SETBP1: variants seen among roughly 807,000 people sequenced by gnomAD.
The protein encoded by SETBP1 is SET-binding protein.
In SETBP1, 9 loss-of-function variants were observed where a neutral mutation model predicts 101.0. That is an observed-to-expected ratio of 0.09 (90% CI 0.05 to 0.16). The LOEUF (loss-of-function observed/expected upper bound fraction) is 0.16, where lower values mean the gene tolerates loss of function less well. Among genes scored for constraint, SETBP1 ranks in the 10% least tolerant of loss-of-function variants. SETBP1 has a pLI of 1.00. For synonymous variants in SETBP1, 818 were observed against 788.5 expected (o/e 1.04, Z -0.63); for missense variants, 1,858 against 2,033.8 (o/e 0.91, Z 1.66).
chr18:44,926,495 C>T (rs2070707877), intron 3 of SETBP1, among the ~76,000 whole-genome samples: 1 of 152,120 alleles, frequency 6.6e-6, no homozygotes, highest in Admixed American at 6.5e-5. Context: ...ACACAGTGGT[C>T]CCTCAGGGGC....
At position 44,843,373 on chromosome 18, in the gene SETBP1, T is replaced by C. The variant is rs558964550; in HGVS notation, c.487-25857T>C. On this transcript the variant is annotated intron_variant, in intron 2 of 5. Transcript: ENST00000649279. The stretch of plus-strand genomic sequence containing the variant: ...TCATGCACACCACACCCCTACTAGA[T>C]TTTTGGCTTCTGTCAACCATCAGCT... 1.2e-4 allele frequency among the ~76,000 whole-genome samples: 18 copies of C among 152,292 alleles called. 1 individual carries two copies. In the South Asian group the frequency reaches 3.7e-3, roughly 32 times the overall value.
At chr18:44,794,692 G>A (rs1453675717) in intron 2 of SETBP1, among the ~76,000 whole-genome samples, 1 of 152,142 alleles carries the variant, frequency 6.6e-6, no homozygotes, top group Admixed American at 6.5e-5. Context: ...TCACCTCATT[G>A]TCTAAAGTCA....
At chr18:44,700,363 A>G (rs1227249566) in intron 1 of SETBP1, among the ~76,000 whole-genome samples, 1 of 152,098 alleles carries the variant, frequency 6.6e-6, no homozygotes, top group Non-Finnish European at 1.5e-5. Context: ...TTTTGCTGCT[A>G]TGGAGACACA....
intron 3 of SETBP1, among the ~76,000 whole-genome samples, chr18:44,938,199 G>A (rs192926635): frequency 6.6e-6 from 1 of 152,278 alleles, no homozygotes; most frequent in East Asian, 1.9e-4. Context: ...CAACCCTGTT[G>A]GCTTCCCTCC....
intron 3 of SETBP1, among the ~76,000 whole-genome samples, chr18:44,928,460 A>G (rs923613954): frequency 3.9e-5 from 6 of 152,304 alleles, no homozygotes; most frequent in African/African-American, 1.2e-4. Flanking sequence ...TGGGATGGCA[A>G]GGTCAAATGG....
chr18:45,014,245 G>A (rs975116766), intron 4 of SETBP1, among the ~76,000 whole-genome samples: 3 of 152,158 alleles, frequency 2.0e-5, no homozygotes, highest in Non-Finnish European at 4.4e-5. Flanking sequence ...GCAAGGAGGT[G>A]GAGATCAGAG....
Position 44,937,812 on chromosome 18 carries a change from A to T in SETBP1, c.541-12069A>T, listed in dbSNP as rs547989660. On this transcript the variant is annotated intron_variant, in intron 3 of 5. Coordinates refer to ENST00000649279, the MANE Select transcript of SETBP1 (RefSeq NM_015559.3). ...ACTCTTGTGCGCTCTGAATATGAGC[A>T]GTGCTGGGTTCCAATTCTCACTCCA... 3.0e-4 allele frequency among the ~76,000 whole-genome samples: 46 copies of T among 152,310 alleles called. No homozygotes were observed. In the South Asian group the frequency reaches 9.3e-3, roughly 31 times the overall value.
intron 3 of SETBP1, among the ~76,000 whole-genome samples, chr18:44,897,253 G>C (rs2069927719): frequency 6.6e-6 from 1 of 152,192 alleles, no homozygotes; most frequent in Non-Finnish European, 1.5e-5. Context: ...CACTTGGGCT[G>C]CTTCCCTATC....
Position 44,950,831 on chromosome 18 carries a change from G to T in SETBP1, c.1491G>T (p.Pro497=), listed in dbSNP as rs113053616. 4 of 1,613,992 alleles carry T rather than the reference G, an allele frequency of 2.5e-6. No homozygotes were observed. Among genetic ancestry groups the T allele is most frequent in the Non-Finnish European group, 3.4e-6 (4 of 1,180,018 alleles). ...TTATCCCAGGAGGTGTGTCTAAGCCGCGGAAGCCACCCATGGTCATGACAC... is the reference window on the plus strand; with the variant it reads ...TTATCCCAGGAGGTGTGTCTAAGCCTCGGAAGCCACCCATGGTCATGACAC... ...EKVIPGGVSK[P]RKPPMVMTPP... Residue 497 remains proline (P), a synonymous_variant, in exon 4 of 6, where the codon CCG becomes CCT. Coordinates refer to ENST00000649279, the MANE Select transcript of SETBP1 (RefSeq NM_015559.3).
intron 3 of SETBP1, among the ~76,000 whole-genome samples, chr18:44,925,834 C>A (rs12608276): frequency 0.11 from 16,539 of 152,094 alleles, 892 homozygotes; most frequent in East Asian, 0.14. Context: ...CTGGAGAAGC[C>A]GGGTGATCAA....
chr18:44,844,426 C>T (rs2144546469), intron 2 of SETBP1, among the ~76,000 whole-genome samples: 1 of 151,388 alleles, frequency 6.6e-6, no homozygotes, highest in African/African-American at 2.4e-5. Context: ...ATACTTCCTG[C>T]TTCTTACTGT....
chr18:44,956,156 A>G (rs1415750737), intron 4 of SETBP1, among the ~76,000 whole-genome samples: 1 of 151,982 alleles, frequency 6.6e-6, no homozygotes, highest in Admixed American at 6.6e-5. Context: ...ATATCTTGTT[A>G]AGTTTCTTAC....
intron 3 of SETBP1, among the ~76,000 whole-genome samples, chr18:44,943,487 T>C (rs1599355714): frequency 6.6e-6 from 1 of 152,368 alleles, no homozygotes; most frequent in South Asian, 2.1e-4. Flanking sequence ...TATAATCCAG[T>C]GGTTCTCAAC....
At chr18:44,720,911 C>CT (rs2069575798) in intron 2 of SETBP1, among the ~76,000 whole-genome samples, 1 of 138,964 alleles carries the variant, frequency 7.2e-6, no homozygotes, top group African/African-American at 2.6e-5. Context: ...ACCCCCACCC[C>CT]CCACCCCAAC....
At position 44,797,738 on chromosome 18, in the gene SETBP1, C is replaced by T. The variant is rs564504814; in HGVS notation, c.487-71492C>T. ...CAGAAAGTGCATGAACCTCCAGGTG[C>T]GCCATGGAGAGAGCTCATTCCCACA... On this transcript the variant is annotated intron_variant, in intron 2 of 5. Coordinates refer to ENST00000649279, the MANE Select transcript of SETBP1 (RefSeq NM_015559.3). Among the ~76,000 whole-genome samples, 52 of 152,216 alleles carry T rather than the reference C, an allele frequency of 3.4e-4. 1 individual carries two copies. The highest frequency in any genetic ancestry group is 1.1e-3 in the African/African-American group (44 of 41,540).
rs150531502 is a variant in SETBP1, at chr18:45,008,861, G to A, written c.4001-29624G>A. Among the ~76,000 whole-genome samples, 45 of 152,298 alleles carry A rather than the reference G, an allele frequency of 3.0e-4. 1 individual carries two copies. The highest frequency in any genetic ancestry group is 1.1e-3 in the African/African-American group (45 of 41,572). ...AGCCCTGCACTCTCTCTGCTGTCTA[G>A]GTTGGGTTTGAAGCTGATGAGTGTT... On this transcript the variant is annotated intron_variant, in intron 4 of 5. Transcript: ENST00000649279.
intron 5 of SETBP1, among the ~76,000 whole-genome samples, chr18:45,054,123 C>A (rs556437918): frequency 1.3e-5 from 2 of 152,088 alleles, no homozygotes; most frequent in Non-Finnish European, 2.9e-5. Flanking sequence ...TAAATGCCCT[C>A]GTATTTCTCA....
intron 4 of SETBP1, among the ~76,000 whole-genome samples, chr18:44,992,852 A>G (rs529616100): frequency 2.0e-5 from 3 of 152,164 alleles, no homozygotes; most frequent in African/African-American, 7.2e-5. Context: ...ACACAGAATG[A>G]GAAAAAAGAA....
chr18:44,910,811 C>T (rs2070290311), intron 3 of SETBP1, among the ~76,000 whole-genome samples: 2 of 152,166 alleles, frequency 1.3e-5, no homozygotes, highest in Admixed American at 1.3e-4. Context: ...CCTCTAGTGC[C>T]TCCCCACAGG....
Sources: gnomAD v4.1 joint callset for allele counts (sites outside exome capture counted in the v4.1 genomes callset) on GRCh38, gnomAD v4.1.1 for gene constraint, MANE v1.5 for transcripts, NCBI Gene and HGNC (gene_info 2026-07-23, HGNC 2026-07-21) for gene names.